SDK2: variants seen among roughly 807,000 people sequenced by gnomAD.
SDK2 encodes the protein sidekick cell adhesion molecule 2.
A neutral mutation model predicts 253.9 loss-of-function variants in SDK2; 105 were observed. The observed-to-expected ratio is 0.41, with a 90% confidence interval of 0.35 to 0.49. SDK2 has a LOEUF of 0.49. SDK2 is among the 20% of genes least tolerant of loss of function. The pLI is 0.06. For synonymous variants in SDK2, 1,249 were observed against 1,234.9 expected, an observed-to-expected ratio of 1.01 and a Z score of -0.24; for missense variants, 2,608 against 3,003.0, an observed-to-expected ratio of 0.87 and a Z score of 3.07.
intron 1 of SDK2, among the ~76,000 whole-genome samples, chr17:73,613,600 C>T (rs1411635279): frequency 8.7e-4 from 121 of 138,408 alleles, no homozygotes; most frequent in Admixed American, 1.7e-3. Context: ...CCCCCACCCC[C>T]ACCCCCAGCC....
intron 18 of SDK2, among the ~76,000 whole-genome samples, chr17:73,410,366 C>T (rs1262537758): frequency 3.9e-5 from 6 of 152,066 alleles, no homozygotes; most frequent in Non-Finnish European, 7.4e-5. Flanking sequence ...CTGACTGGAG[C>T]GAAGTGGCGT....
At chr17:73,368,677 A>G (rs1465816544) in intron 36 of SDK2, 84 bp from the exon 37 acceptor site, 1 of 1,200,358 alleles carries the variant, frequency 8.3e-7, no homozygotes, top group Non-Finnish European at 1.1e-6. Flanking sequence ...AGTCTCAGAG[A>G]CACCTTCATT....
At chr17:73,580,423 C>T (rs2045518581) in intron 1 of SDK2, among the ~76,000 whole-genome samples, 1 of 152,260 alleles carries the variant, frequency 6.6e-6, no homozygotes, top group Admixed American at 6.5e-5. Flanking sequence ...TGTACTGTAC[C>T]CTGAGTAAGG....
In SDK2 at chr17:73,391,625, G is replaced by A. The variant is rs564860843; in HGVS notation, c.3899-87C>T. ...CAGCTCGGGCAGAGCAGCCTGGCAGGGTGGAGGGGGAAGGGGCCGCCCAGC... is the reference window on the plus strand; with the variant it reads ...CAGCTCGGGCAGAGCAGCCTGGCAGAGTGGAGGGGGAAGGGGCCGCCCAGC... On this transcript the variant is annotated intron_variant, in intron 27 of 44. Coordinates refer to ENST00000392650, the MANE Select transcript of SDK2 (RefSeq NM_001144952.2). The A allele has an allele frequency of 1.0e-4, 61 of 609,838 alleles. No homozygotes were observed. In the African/African-American group the frequency reaches 1.1e-3, roughly 11 times the overall value. 37.8% of individuals were successfully genotyped at this position (609,838 alleles called of 1,614,324 possible).
intron 44 of SDK2, among the ~76,000 whole-genome samples, chr17:73,346,208 C>CA (rs2062482758): frequency 7.2e-6 from 1 of 138,124 alleles, no homozygotes; most frequent in African/African-American, 2.8e-5. Context: ...AACTCCGTCT[C>CA]AAGAAAAAAA....
At position 73,643,957 on chromosome 17, in the gene SDK2, T is replaced by TCCCCCCCCCCCCCCCCCCCCCCCACCCCC; in HGVS notation, c.64+67_64+68insGGGGGTGGGGGGGGGGGGGGGGGGGGGGG. 9.8e-7 allele frequency: 1 copy of TCCCCCCCCCCCCCCCCCCCCCCCACCCCC among 1,020,000 alleles called. No homozygotes were observed. Among genetic ancestry groups the TCCCCCCCCCCCCCCCCCCCCCCCACCCCC allele is most frequent in the Non-Finnish European group, 1.5e-6 (1 of 674,884 alleles). The allele number at this position is 1,020,000 out of a possible 1,614,324, so 63.2% of individuals were successfully genotyped here. A position where few individuals can be genotyped will look rare whatever the true frequency, so the allele number is the denominator to read the frequency against. ...GGAGGTCACCGTGAGGCCGGCCAGC[T>TCCCCCCCCCCCCCCCCCCCCCCCACCCCC]CCCGCCGCCCCTCCCCCGCCCACTC... On this transcript the variant is annotated intron_variant, in intron 1 of 44. Transcript: ENST00000392650. This position sits in a 1 kb window ranked among gnomAD's most constrained non-coding sequence, Gnocchi z 6.9.
At chr17:73,515,205 C>G (rs1221752197) in intron 1 of SDK2, among the ~76,000 whole-genome samples, 1 of 152,218 alleles carries the variant, frequency 6.6e-6, no homozygotes, top group East Asian at 1.9e-4. Context: ...AAGCCAAGAT[C>G]TGGCAGGTTC....
intron 1 of SDK2, among the ~76,000 whole-genome samples, chr17:73,601,782 C>T (rs547993861): frequency 8.6e-5 from 13 of 151,122 alleles, no homozygotes; most frequent in African/African-American, 1.5e-4. Flanking sequence ...CCTGCTTTTT[C>T]GCCCAGGCTG....
intron 3 of SDK2, among the ~76,000 whole-genome samples, chr17:73,459,715 G>C (rs79858008): frequency 8.4e-6 from 1 of 118,762 alleles, no homozygotes; most frequent in East Asian, 2.3e-4. Context: ...TTTTTTTTTT[G>C]TAGAGACACA....
At chr17:73,351,209 A>G (rs2062535587) in intron 41 of SDK2, among the ~76,000 whole-genome samples, 1 of 151,894 alleles carries the variant, frequency 6.6e-6, no homozygotes, top group East Asian at 1.9e-4. Context: ...TCCCGGGTTC[A>G]AGCAATTCTC....
At chr17:73,619,483 T>TG (rs2046102653) in intron 1 of SDK2, among the ~76,000 whole-genome samples, 1 of 152,110 alleles carries the variant, frequency 6.6e-6, no homozygotes, top group Non-Finnish European at 1.5e-5. Flanking sequence ...GGAAACTCAA[T>TG]GGGGAAAAAA....
intron 40 of SDK2, 72 bp downstream of exon 40, chr17:73,358,007 C>T (rs1425623422): frequency 2.5e-6 from 4 of 1,604,290 alleles, no homozygotes; most frequent in South Asian, 2.2e-5. Flanking sequence ...AGGCAAGTGC[C>T]CCAAGTGGAG....
intron 1 of SDK2, among the ~76,000 whole-genome samples, chr17:73,624,833 G>A (rs1452364447): frequency 6.6e-6 from 1 of 152,182 alleles, no homozygotes; most frequent in East Asian, 1.9e-4. Context: ...GTTGTTACTA[G>A]GAGGAGTGGT....
chr17:73,636,810 C>T (rs1442838203), intron 1 of SDK2, among the ~76,000 whole-genome samples: 1 of 151,520 alleles, frequency 6.6e-6, no homozygotes, highest in Non-Finnish European at 1.5e-5. Flanking sequence ...GTCTTAAGGC[C>T]ATTTGGAGGG....
rs947990110 is a variant in SDK2, at chr17:73,633,155, T to A, written c.64+10870A>T. Among the ~76,000 whole-genome samples the A allele has an allele frequency of 2.0e-5, 3 of 152,124 alleles. No homozygotes were observed. The East Asian group carries it at 5.8e-4, about 29-fold the overall frequency. On this transcript the variant is annotated intron_variant, in intron 1 of 44. Coordinates refer to ENST00000392650, the MANE Select transcript of SDK2 (RefSeq NM_001144952.2). ...AAATGATTAGCTGGGTATGGTAGTGTACACCTGTGGTCCCAGCTACTTAGG... is the reference window on the plus strand; with the variant it reads ...AAATGATTAGCTGGGTATGGTAGTGAACACCTGTGGTCCCAGCTACTTAGG...
intron 1 of SDK2, among the ~76,000 whole-genome samples, chr17:73,632,995 A>C (rs939599860): frequency 6.6e-6 from 1 of 152,202 alleles, no homozygotes. Flanking sequence ...TTTTAAAACT[A>C]AAATAGGCTG....
In SDK2 at chr17:73,361,290, G is replaced by T. The variant is rs374706980; in HGVS notation, c.5467+394C>A. ...TGGAGGGTAGGGGTGGTTCAGGGGC[G>T]TGGGAAGATGGCTCTGGCTGGGCGA... On this transcript the variant is annotated intron_variant, in intron 39 of 44. Coordinates refer to ENST00000392650, the MANE Select transcript of SDK2 (RefSeq NM_001144952.2). This position sits in a 1 kb window ranked among gnomAD's most constrained non-coding sequence, Gnocchi z 4.1. 6.6e-6 allele frequency among the ~76,000 whole-genome samples: 1 copy of T among 152,216 alleles called. No homozygotes were observed. The highest frequency in any genetic ancestry group is 1.9e-4 in the East Asian group (1 of 5,178).
At chr17:73,494,204 G>A (rs763452175) in intron 2 of SDK2, among the ~76,000 whole-genome samples, 5 of 152,210 alleles carry the variant, frequency 3.3e-5, no homozygotes, top group African/African-American at 7.2e-5. Context: ...AGCACTGCAC[G>A]GAGACTCAGG....
At chr17:73,358,465 C>G (rs976542604) in intron 39 of SDK2, among the ~76,000 whole-genome samples, 1 of 152,154 alleles carries the variant, frequency 6.6e-6, no homozygotes, top group African/African-American at 2.4e-5. Flanking sequence ...AGAAAGGTCC[C>G]TGGAGTAGAG....
Sources: allele counts gnomAD v4.1 joint callset (sites outside exome capture counted in the v4.1 genomes callset), GRCh38; gene constraint gnomAD v4.1.1; non-coding constraint Gnocchi (gnomAD v3.1); transcripts MANE v1.5; gene names NCBI Gene and HGNC (gene_info 2026-07-23, HGNC 2026-07-21).